PISD: variants seen among roughly 807,000 people sequenced by gnomAD.
The protein encoded by PISD is phosphatidylserine decarboxylase proenzyme, mitochondrial.
A neutral mutation model predicts 43.5 loss-of-function variants in PISD; 31 were observed. The observed-to-expected ratio is 0.71, with a 90% CI of 0.54 to 0.96. The LOEUF (loss-of-function observed/expected upper bound fraction) is 0.96. Among genes scored for constraint, PISD ranks in the 40% least tolerant of loss-of-function variants. The pLI is 0.00. For missense variants in PISD, 523 were observed against 548.4 expected (o/e 0.95, Z 0.46); for synonymous variants, 259 against 228.7 (o/e 1.13, Z -1.20).
rs577246016 is a variant in PISD, at chr22:31,631,693, A to C, written c.322-9808T>G. Among the ~76,000 whole-genome samples the C allele has an allele frequency of 4.6e-5, 7 of 152,304 alleles. No homozygotes were observed. In the East Asian group the frequency reaches 1.4e-3, roughly 29 times the overall value. ...CACTCAGCCCACATGGGATCAGACC[A>C]ATCAGCTTAATGCTTTTAGGGGAGG... On this transcript the variant is annotated intron_variant, in intron 3 of 7. Transcript: ENST00000439502.
rs1189330120 is a variant in PISD, at chr22:31,630,616, A to C, written c.322-8731T>G. The C allele has an allele frequency of 1.6e-6, 1 of 625,916 alleles. No individual in the cohort carries two copies. The highest frequency in any genetic ancestry group is 6.3e-5 in the Admixed American group (1 of 15,872). The allele number at this position is 625,916 out of a possible 1,614,324, so 38.8% of individuals were successfully genotyped here. A position where few individuals can be genotyped will look rare whatever the true frequency, so the allele number is the denominator to read the frequency against. ...CGGAAAAAAAGCCCACGACTCGCTC[A>C]ACCTTGTCCGCGGGGCTCCTCAGGC... On this transcript the variant is annotated intron_variant, in intron 3 of 7. Transcript: ENST00000439502. This position sits in a 1 kb window ranked among gnomAD's most constrained non-coding sequence, Gnocchi z 4.4.
At chr22:31,660,883 G>A (rs541290972) in intron 1 of PISD, among the ~76,000 whole-genome samples, 2 of 152,210 alleles carry the variant, frequency 1.3e-5, no homozygotes, top group East Asian at 3.9e-4. Context: ...ACAGGTGCCT[G>A]CCACCATGCC....
rs192185952 is a variant in PISD, at chr22:31,624,194, C to T, written c.322-2309G>A. ...CTGCAGCAGCTCCCAGCAAGGGCCT[C>T]CAGGCCCAAGCACCTGGGCCCAGGA... is the stretch of plus-strand genomic sequence containing the variant. On this transcript the variant is annotated intron_variant, in intron 3 of 7. Coordinates refer to ENST00000439502, the MANE Select transcript of PISD (RefSeq NM_001326411.2). 3.5e-4 allele frequency among the ~76,000 whole-genome samples: 54 copies of T among 152,302 alleles called. No individual in the cohort carries two copies. In the East Asian group the frequency reaches 9.1e-3, roughly 26 times the overall value.
At chr22:31,628,476 TTC>T (rs565222116) in intron 3 of PISD, among the ~76,000 whole-genome samples, 38 of 152,340 alleles carry the variant, frequency 2.5e-4, no homozygotes, top group African/African-American at 8.9e-4. Context: ...CTTCCCTCCC[TTC>T]TAAGCCTCAA....
intron 1 of PISD, among the ~76,000 whole-genome samples, chr22:31,658,245 A>T (rs958258903): frequency 6.6e-6 from 1 of 152,190 alleles, no homozygotes; most frequent in African/African-American, 2.4e-5. Context: ...AAAGCCCACA[A>T]TTGAGCACTC....
intron 3 of PISD, chr22:31,623,872 C>T: frequency 6.2e-7 from 1 of 1,603,442 alleles, no homozygotes; most frequent in South Asian, 1.1e-5. Context: ...GGTCCATGCA[C>T]AGCCAGGTCA....
chr22:31,658,837 G>A (rs914183129), intron 1 of PISD, among the ~76,000 whole-genome samples: 5 of 148,488 alleles, frequency 3.4e-5, no homozygotes, highest in African/African-American at 1.3e-4. Context: ...CTGGCCAGTT[G>A]CACTATTTTT....
chr22:31,656,110 A>G (rs2074165080), intron 1 of PISD, among the ~76,000 whole-genome samples: 1 of 152,164 alleles, frequency 6.6e-6, no homozygotes. Flanking sequence ...CCTCGCCAAT[A>G]TGGTAAAACC....
At chr22:31,655,627 TTTTTG>T (rs148132314) in intron 1 of PISD, among the ~76,000 whole-genome samples, 2,147 of 148,742 alleles carry the variant, frequency 0.014, 52 homozygotes, top group African/African-American at 0.05. Context: ...CCAGGACTCG[TTTTTG>T]TTTTGTTTTG....
intron 3 of PISD, among the ~76,000 whole-genome samples, chr22:31,638,023 G>A (rs1024136183): frequency 1.3e-5 from 2 of 152,254 alleles, no homozygotes; most frequent in Non-Finnish European, 2.9e-5. Flanking sequence ...CGCAGGCTGA[G>A]CAAGTGCCTC....
chr22:31,621,512 GTCTCCTCCCCC>G, intron 4 of PISD, 40 bp from the exon 5 acceptor site: 1 of 1,612,438 alleles, frequency 6.2e-7, no homozygotes, highest in Non-Finnish European at 8.5e-7. Flanking sequence ...GGAGAGCAGG[GTCTCCTCCCCC>G]CAGGAGACAG....
At chr22:31,621,524 C>T (rs773637852) in intron 4 of PISD, 52 bp from the exon 5 acceptor site, 6 of 1,608,176 alleles carry the variant, frequency 3.7e-6, no homozygotes, top group South Asian at 1.1e-5. Context: ...CTCCTCCCCC[C>T]AGGAGACAGC....
chr22:31,627,946 A>G, intron 3 of PISD: 1 of 834,238 alleles, frequency 1.2e-6, no homozygotes, highest in Non-Finnish European at 1.4e-6. Context: ...CATCAGGGAA[A>G]GGTGAGCCCT....
chr22:31,626,884 C>T (rs2147663857), intron 3 of PISD, among the ~76,000 whole-genome samples: 1 of 152,376 alleles, frequency 6.6e-6, no homozygotes, highest in East Asian at 1.9e-4. Context: ...AGCCACTGCC[C>T]AGGAAGGGGC....
intron 3 of PISD, chr22:31,638,490 G>A: frequency 3.0e-6 from 3 of 985,454 alleles, no homozygotes; most frequent in African/African-American, 1.7e-5. Flanking sequence ...AGGGAGAAAC[G>A]CTTGTTGGCC....
At chr22:31,622,569 C>CGGCAGGA (rs1569481709) in intron 3 of PISD, among the ~76,000 whole-genome samples, 3 of 152,194 alleles carry the variant, frequency 2.0e-5, no homozygotes, top group African/African-American at 7.2e-5. Flanking sequence ...CTTGGCCCCA[C>CGGCAGGA]GGCAGGACTT....
chr22:31,648,261 T>C lies in PISD; in HGVS notation c.161A>G (p.His54Arg). 2 of 1,607,506 alleles carry C rather than the reference T, an allele frequency of 1.2e-6. No individual in the cohort carries two copies. The highest frequency in any genetic ancestry group is 1.7e-6 in the Non-Finnish European group (2 of 1,177,674). ...GAACATGGTTCGGGCAGGGGCAGTG[T>C]GGATTTTTCTGGCATCTGTAATAAA... ...RAFRTDARKI[H>R]TAPARTMFLL... The change falls in exon 3 of 8, where the codon CAC becomes CGC. Residue 54 changes from histidine (H) to arginine (R), a missense_variant. Coordinates refer to ENST00000439502, the MANE Select transcript of PISD (RefSeq NM_001326411.2).
chr22:31,620,173 G>A (rs60359561), intron 7 of PISD, among the ~76,000 whole-genome samples: 10,096 of 152,296 alleles, frequency 0.066, 342 homozygotes, highest in African/African-American at 0.091. Flanking sequence ...TGGGGGCAGG[G>A]TGGGCAGCAG....
intron 3 of PISD, among the ~76,000 whole-genome samples, chr22:31,645,653 T>C (rs953808271): frequency 5.4e-5 from 8 of 147,934 alleles, no homozygotes; most frequent in Non-Finnish European, 7.5e-5. Flanking sequence ...GCTGGGATTA[T>C]AGACATGAGC....
Sources: allele counts gnomAD v4.1 joint callset (sites outside exome capture counted in the v4.1 genomes callset), GRCh38; gene constraint gnomAD v4.1.1; non-coding constraint Gnocchi (gnomAD v3.1); transcripts MANE v1.5; gene names NCBI Gene and HGNC (gene_info 2026-07-23, HGNC 2026-07-21).